The following FTCDNL1 variants were observed in gnomAD, a reference collection of about 807,000 sequenced individuals.
FTCDNL1 encodes formiminotransferase N-terminal subdomain-containing protein.
FTCDNL1 carries 11 observed loss-of-function variants against 5.9 expected under a neutral mutation model. That is an observed-to-expected ratio of 1.87 (90% confidence interval 1.18 to 3.10). FTCDNL1 has a LOEUF of 3.10. FTCDNL1 is among the 30% of genes most tolerant of loss of function. FTCDNL1 has a pLI of 0.00. For missense variants in FTCDNL1, 115 were observed against 65.5 expected, an observed-to-expected ratio of 1.76 and a Z score of -2.61; for synonymous variants, 58 against 24.8, an observed-to-expected ratio of 2.34 and a Z score of -3.99.
the FTCDNL1 span, among the ~76,000 whole-genome samples, chr2:199,750,612 T>C: frequency 1.3e-5 from 2 of 152,198 alleles, no homozygotes; most frequent in Non-Finnish European, 1.5e-5. Context: ...CACCAGGTTC[T>C]AGAAAACACC....
intron 4 of FTCDNL1, among the ~76,000 whole-genome samples, chr2:199,816,181 C>T (rs1403508829): frequency 6.6e-6 from 1 of 152,100 alleles, no homozygotes; most frequent in Non-Finnish European, 1.5e-5. Context: ...ACTGATCCTC[C>T]TTGAAATACT....
chr2:199,848,953 A>G lies in FTCDNL1; in HGVS notation c.10T>C (p.Ser4Pro), dbSNP rs1388750434. MSS[S>P]RVGLRLAACL... ...GCAGCCAAACGGAGCCCCACTCTGG[A>G]AGAAGACATGATTTTTCTGGAATAG... Residue 4 changes from serine to proline, a missense_variant, in exon 2 of 5, where the codon TCC (serine) becomes CCC (proline). Coordinates refer to ENST00000420128, the MANE Select transcript of FTCDNL1 (RefSeq NM_001363886.2). The G allele has an allele frequency of 4.3e-6, 3 of 701,672 alleles. No homozygotes were observed. Among genetic ancestry groups the G allele is most frequent in the Non-Finnish European group, 7.8e-6 (3 of 384,684 alleles). 43.5% of individuals were successfully genotyped at this position (701,672 alleles called of 1,614,324 possible).
intron 3 of FTCDNL1, among the ~76,000 whole-genome samples, chr2:199,772,029 C>T (rs1698837423): frequency 6.6e-6 from 1 of 152,194 alleles, no homozygotes; most frequent in Non-Finnish European, 1.5e-5. Context: ...ATGCCAGCAT[C>T]ACTGCTCTTA....
chr2:199,728,066 G>A, the FTCDNL1 span, among the ~76,000 whole-genome samples: 12 of 152,188 alleles, frequency 7.9e-5, no homozygotes, highest in African/African-American at 2.6e-4. Context: ...CTTATTAACC[G>A]ATTTAAACTG....
At chr2:199,732,715 CA>C in the FTCDNL1 span, among the ~76,000 whole-genome samples, 2 of 152,122 alleles carry the variant, frequency 1.3e-5, no homozygotes, top group Non-Finnish European at 2.9e-5. Flanking sequence ...TCAGTAGTTA[CA>C]TGTGAAAATA....
chr2:199,772,356 A>G lies in FTCDNL1; in HGVS notation c.212-11521T>C, dbSNP rs138443079. ...AAAACTTCGGAAAGCGAAACTGCAG[A>G]TAAGGGAGACAACTGCTGTAATTGA... On this transcript the variant is annotated intron_variant, in intron 3 of 3. Transcript: ENST00000416668. Among the ~76,000 whole-genome samples, 103 of 152,354 alleles carry G rather than the reference A, an allele frequency of 6.8e-4. 1 individual carries two copies. The highest frequency in any genetic ancestry group is 1.8e-4 in the Non-Finnish European group (12 of 68,040).
rs573927361 is a variant in FTCDNL1 at position 199,830,616 on chromosome 2, A to G, written c.212-10859T>C. Among the ~76,000 whole-genome samples the G allele has an allele frequency of 1.6e-3, 249 of 152,258 alleles. 10 individuals carry two copies. The highest frequency in any genetic ancestry group is 1.6e-3 in the Non-Finnish European group (109 of 68,030). On this transcript the variant is annotated intron_variant, in intron 3 of 4. Coordinates refer to ENST00000420128, the MANE Select transcript of FTCDNL1 (RefSeq NM_001363886.2). ...GACCATCCCACTAGACTCTTACACCACCATCAAAGCCGTCTCATTACGCCC... is the reference window on the plus strand; with the variant it reads ...GACCATCCCACTAGACTCTTACACCGCCATCAAAGCCGTCTCATTACGCCC...
intron 3 of FTCDNL1, among the ~76,000 whole-genome samples, chr2:199,773,406 T>C (rs1037220897): frequency 6.6e-6 from 1 of 152,180 alleles, no homozygotes; most frequent in African/African-American, 2.4e-5. Context: ...CTTGACCCTG[T>C]ATCCAGAAGT....
the FTCDNL1 span, among the ~76,000 whole-genome samples, chr2:199,727,229 G>T: frequency 6.6e-6 from 1 of 152,180 alleles, no homozygotes; most frequent in Non-Finnish European, 1.5e-5. Context: ...ATTCCTTCTG[G>T]TCCAAACTGC....
chr2:199,744,566 T>G, the FTCDNL1 span, among the ~76,000 whole-genome samples: 1 of 152,180 alleles, frequency 6.6e-6, no homozygotes, highest in Non-Finnish European at 1.5e-5. Flanking sequence ...AACACCTTGA[T>G]CTCAGGCTTC....
At chr2:199,754,790 T>G in the FTCDNL1 span, among the ~76,000 whole-genome samples, 1 of 152,206 alleles carries the variant, frequency 6.6e-6, no homozygotes, top group Non-Finnish European at 1.5e-5. Context: ...ATTTACCAAG[T>G]GAGTCCTTAT....
intron 3 of FTCDNL1, among the ~76,000 whole-genome samples, chr2:199,766,123 T>C (rs1698527568): frequency 6.6e-6 from 1 of 152,222 alleles, no homozygotes; most frequent in Admixed American, 6.5e-5. Flanking sequence ...GAAAACCTCC[T>C]TAAAATGTCA....
chr2:199,842,574 A>G (rs1166094546), intron 3 of FTCDNL1, among the ~76,000 whole-genome samples: 7 of 152,226 alleles, frequency 4.6e-5, no homozygotes, highest in African/African-American at 1.7e-4. Context: ...ACAGTTATTT[A>G]TAAATCCTCT....
intron 3 of FTCDNL1, among the ~76,000 whole-genome samples, chr2:199,795,758 G>A (rs1359536402): frequency 6.6e-6 from 1 of 152,194 alleles, no homozygotes; most frequent in South Asian, 2.1e-4. Context: ...GGGGCCCTCT[G>A]TGCTGACCTC....
intron 3 of FTCDNL1, among the ~76,000 whole-genome samples, chr2:199,826,205 AGGGCAAAGCACT>A (rs1243637013): frequency 6.6e-6 from 1 of 152,186 alleles, no homozygotes; most frequent in Non-Finnish European, 1.5e-5. Flanking sequence ...TGGTTCCTAA[AGGGCAAAGCACT>A]GGGAGATATT....
chr2:199,696,454 C>T, the FTCDNL1 span, among the ~76,000 whole-genome samples: 1 of 152,164 alleles, frequency 6.6e-6, no homozygotes, highest in African/African-American at 2.4e-5. Flanking sequence ...CACAGCAGGG[C>T]CTTAACCTTC....
chr2:199,781,120 G>A (rs769883217), intron 3 of FTCDNL1, among the ~76,000 whole-genome samples: 13 of 152,052 alleles, frequency 8.5e-5, no homozygotes, highest in Admixed American at 2.6e-4. Context: ...CTTCATGTCC[G>A]CTCCCACAGG....
chr2:199,679,486 T>C, the FTCDNL1 span, among the ~76,000 whole-genome samples: 1 of 152,282 alleles, frequency 6.6e-6, no homozygotes, highest in South Asian at 2.1e-4. Flanking sequence ...TATCTGATAT[T>C]TGACCTTACC....
chr2:199,837,757 T>A (rs1702853642), intron 3 of FTCDNL1, among the ~76,000 whole-genome samples: 1 of 152,202 alleles, frequency 6.6e-6, no homozygotes, highest in South Asian at 2.1e-4. Flanking sequence ...TAAGTATCAA[T>A]CATGCCAGCA....
Sources: gnomAD v4.1 joint callset for allele counts (sites outside exome capture counted in the v4.1 genomes callset) on GRCh38, gnomAD v4.1.1 for gene constraint, MANE v1.5 for transcripts, NCBI Gene and HGNC (gene_info 2026-07-23, HGNC 2026-07-21) for gene names.